Variants in ANKS1A observed in about 807,000 individuals in gnomAD.
ANKS1A encodes the protein ankyrin repeat and SAM domain-containing protein 1A.
Under a neutral mutation model 120.3 loss-of-function variants are expected in ANKS1A, and 55 were observed. That is an observed-to-expected ratio of 0.46 (90% confidence interval 0.37 to 0.57). The LOEUF is 0.57. ANKS1A is among the 20% of genes least tolerant of loss of function. The pLI, the probability that ANKS1A is intolerant of heterozygous loss-of-function variation, is 0.00. For synonymous variants in ANKS1A, 590 were observed against 604.7 expected (o/e 0.98, Z 0.36); for missense variants, 1,123 against 1,480.3 (o/e 0.76, Z 3.96).
intron 10 of ANKS1A, chr6:35,005,840 G>A: frequency 2.5e-6 from 1 of 402,814 alleles, no homozygotes; most frequent in South Asian, 1.8e-5. Flanking sequence ...ATCACTTGAG[G>A]TCAGGAGTTT....
chr6:35,061,502 C>T (rs911930291), intron 13 of ANKS1A, among the ~76,000 whole-genome samples: 2 of 152,140 alleles, frequency 1.3e-5, no homozygotes, highest in African/African-American at 4.8e-5. Context: ...GAGGGTTTCT[C>T]GCTGATCGGG....
intron 13 of ANKS1A, among the ~76,000 whole-genome samples, chr6:35,068,088 T>G (rs1026821845): frequency 6.6e-6 from 1 of 152,078 alleles, no homozygotes; most frequent in African/African-American, 2.4e-5. Flanking sequence ...GAGATGTAGT[T>G]TCACCATGTT....
intron 10 of ANKS1A, among the ~76,000 whole-genome samples, chr6:35,005,427 A>G (rs1773398691): frequency 6.6e-6 from 1 of 152,256 alleles, no homozygotes; most frequent in Non-Finnish European, 1.5e-5. Flanking sequence ...CACTTTGTGT[A>G]AATACCTATA....
chr6:34,991,708 A>G (rs1270500080), intron 9 of ANKS1A, among the ~76,000 whole-genome samples: 1 of 75,848 alleles, frequency 1.3e-5, no homozygotes, highest in Non-Finnish European at 3.7e-5. Flanking sequence ...ATATACATAT[A>G]TACACATATA....
chr6:34,902,080 A>G (rs1239175633), intron 1 of ANKS1A, among the ~76,000 whole-genome samples: 1 of 152,196 alleles, frequency 6.6e-6, no homozygotes, highest in Non-Finnish European at 1.5e-5. Flanking sequence ...TGCTATCTCC[A>G]TAATTGTGTG....
chr6:34,955,338 T>C (rs1469785761), intron 1 of ANKS1A, among the ~76,000 whole-genome samples: 1 of 152,076 alleles, frequency 6.6e-6, no homozygotes, highest in Non-Finnish European at 1.5e-5. Flanking sequence ...GGTTTCTCCA[T>C]GTTGGCCAGG....
intron 11 of ANKS1A, among the ~76,000 whole-genome samples, chr6:35,018,953 T>G (rs952837775): frequency 6.6e-6 from 1 of 152,182 alleles, no homozygotes; most frequent in African/African-American, 2.4e-5. Context: ...GCCAAATACT[T>G]CTTCCAGCAG....
chr6:35,001,923 C>T (rs9348957), intron 10 of ANKS1A, among the ~76,000 whole-genome samples: 8,918 of 152,298 alleles, frequency 0.059, 528 homozygotes, highest in East Asian at 0.34. Flanking sequence ...ACAGGGTTTA[C>T]AAAGTCTGGC....
chr6:35,012,818 G>C (rs1230659226), intron 10 of ANKS1A, among the ~76,000 whole-genome samples: 1 of 152,120 alleles, frequency 6.6e-6, no homozygotes, highest in African/African-American at 2.4e-5. Flanking sequence ...AGCTGGCCTC[G>C]ATGTATGGGT....
intron 11 of ANKS1A, among the ~76,000 whole-genome samples, chr6:35,020,988 C>G (rs1467511467): frequency 2.0e-5 from 3 of 152,208 alleles, no homozygotes; most frequent in African/African-American, 7.2e-5. Context: ...TGCTTACGTC[C>G]TAAACATTAA....
chr6:35,068,347 G>A lies in ANKS1A; in HGVS notation c.2184+8094G>A, dbSNP rs1776888421. On this transcript the variant is annotated intron_variant, in intron 13 of 23. Transcript: ENST00000360359. ...TGTCACGGTGAACCAGCCTGTGCCT[G>A]GGGAAGCTCTGGGGTGGGGAGGAGC... 3.9e-5 allele frequency among the ~76,000 whole-genome samples: 6 copies of A among 152,168 alleles called. No individual in the cohort carries two copies. In the South Asian group the frequency reaches 1.2e-3, roughly 32 times the overall value.
chr6:35,051,920 T>C (rs1436713363), intron 11 of ANKS1A, among the ~76,000 whole-genome samples: 2 of 152,210 alleles, frequency 1.3e-5, no homozygotes, highest in African/African-American at 2.4e-5. Context: ...ATTGAGCATT[T>C]ACTGTGAGCT....
In ANKS1A at chr6:34,989,234, C is replaced by CA. The variant is rs767053465; in HGVS notation, c.1221dup (p.Pro408ThrfsTer10). 3 of 1,613,770 alleles carry CA rather than the reference C, an allele frequency of 1.9e-6. No individual in the cohort carries two copies. The highest frequency in any genetic ancestry group is 2.5e-6 in the Non-Finnish European group (3 of 1,179,862). ...TTTTCTCTTCTGCAGAGGGAACGTCCACCACCTCCAGCAAAGCCACCGCCC... is the reference window on the plus strand; with the variant it reads ...TTTTCTCTTCTGCAGAGGGAACGTCCAACCACCTCCAGCAAAGCCACCGCCC... On this transcript the variant is annotated frameshift_variant, in exon 9 of 24. Coordinates refer to ENST00000360359, the MANE Select transcript of ANKS1A (RefSeq NM_015245.3). LOFTEE classifies it high-confidence loss of function.
chr6:35,089,848 C>T lies in ANKS1A; in HGVS notation c.*1239C>T. On this transcript the variant is annotated 3_prime_UTR_variant, in exon 24 of 24. Transcript: ENST00000360359. ...GTTGGCTCAGCTGTGTGCCCAGTTCCTCCTGTGGGCACTTTAGCAGGCTCC... is the reference window on the plus strand; with the variant it reads ...GTTGGCTCAGCTGTGTGCCCAGTTCTTCCTGTGGGCACTTTAGCAGGCTCC... The T allele has an allele frequency of 1.3e-5, 14 of 1,065,540 alleles. No individual in the cohort carries two copies. Among genetic ancestry groups the T allele is most frequent in the Non-Finnish European group, 1.6e-5 (14 of 877,980 alleles). 66.0% of individuals were successfully genotyped at this position (1,065,540 alleles called of 1,614,324 possible). A position where few individuals can be genotyped will look rare whatever the true frequency, so the allele number is the denominator to read the frequency against.
chr6:34,957,926 C>T (rs768114939), intron 1 of ANKS1A, among the ~76,000 whole-genome samples: 4 of 152,144 alleles, frequency 2.6e-5, no homozygotes, highest in South Asian at 4.1e-4. Flanking sequence ...ATGGAAATAC[C>T]GGTATCTGTT....
chr6:35,020,895 G>A (rs1459750143), intron 11 of ANKS1A, among the ~76,000 whole-genome samples: 3 of 152,176 alleles, frequency 2.0e-5, no homozygotes, highest in African/African-American at 7.2e-5. Context: ...TGACTGAAAT[G>A]CAAAAGCCCT....
At chr6:34,929,034 T>A (rs575380085) in intron 1 of ANKS1A, among the ~76,000 whole-genome samples, 2 of 152,232 alleles carry the variant, frequency 1.3e-5, no homozygotes, top group South Asian at 2.1e-4. Context: ...TTACTAAAGA[T>A]ATTATGGAAA....
At chr6:34,945,236 T>C (rs1236317044) in intron 1 of ANKS1A, among the ~76,000 whole-genome samples, 1 of 151,986 alleles carries the variant, frequency 6.6e-6, no homozygotes, top group Non-Finnish European at 1.5e-5. Context: ...CCACCACACC[T>C]GGCTAATTTT....
Position 35,090,409 on chromosome 6 carries a change from CGGTA to C in ANKS1A, c.*1804_*1807del. On this transcript the variant is annotated 3_prime_UTR_variant, in exon 24 of 24. Coordinates refer to ENST00000360359, the MANE Select transcript of ANKS1A (RefSeq NM_015245.3). Reference sequence around the variant, plus strand: ...AAGTGGGCCTCTGTCGGGGGCGGGGCGGTAGGTCCGAAAGAAACCGCAGACACTA... The same window carrying C: ...AAGTGGGCCTCTGTCGGGGGCGGGGCGGTCCGAAAGAAACCGCAGACACTA... 1 of 1,205,626 alleles carries C rather than the reference CGGTA, an allele frequency of 8.3e-7. No homozygotes were observed. Among genetic ancestry groups the C allele is most frequent in the Non-Finnish European group, 1.1e-6 (1 of 949,004 alleles). 74.7% of individuals were successfully genotyped at this position (1,205,626 alleles called of 1,614,324 possible). A position where few individuals can be genotyped will look rare whatever the true frequency, so the allele number is the denominator to read the frequency against.
Sources: gnomAD v4.1 joint callset for allele counts (sites outside exome capture counted in the v4.1 genomes callset) on GRCh38, gnomAD v4.1.1 for gene constraint, MANE v1.5 for transcripts, NCBI Gene and HGNC (gene_info 2026-07-23, HGNC 2026-07-21) for gene names.